The following PLPP3 variants were observed in gnomAD, a reference collection of about 807,000 sequenced individuals.
PLPP3 encodes PAP2 beta.
A neutral mutation model predicts 29.6 loss-of-function variants in PLPP3; 6 were observed. The ratio of observed to expected loss-of-function variants is 0.20; its 90% CI spans 0.11 to 0.40. The LOEUF is 0.40. Among genes scored for constraint, PLPP3 ranks in the 10% least tolerant of loss-of-function variants. The pLI is 1.00. For missense variants in PLPP3, 308 were observed against 407.7 expected (o/e 0.76, Z 2.11); for synonymous variants, 152 against 159.7 (o/e 0.95, Z 0.36).
intron 1 of PLPP3, among the ~76,000 whole-genome samples, chr1:56,569,410 G>A (rs1258482857): frequency 6.6e-6 from 1 of 152,008 alleles, no homozygotes; most frequent in East Asian, 1.9e-4. Flanking sequence ...CTGACCTCGT[G>A]ATCTGCCTGC....
chr1:56,566,556 T>C (rs945469683), intron 1 of PLPP3, among the ~76,000 whole-genome samples: 80 of 152,200 alleles, frequency 5.3e-4, no homozygotes, highest in African/African-American at 1.9e-3. Context: ...TTAGTCAAGC[T>C]TGAGTCCAAA....
chr1:56,500,792 G>T (rs754600890), intron 5 of PLPP3, among the ~76,000 whole-genome samples: 1 of 151,958 alleles, frequency 6.6e-6, no homozygotes, highest in Non-Finnish European at 1.5e-5. Flanking sequence ...ATCATCTGAG[G>T]TCAGGAGTTA....
chr1:56,540,067 A>T (rs1645958069), intron 1 of PLPP3, among the ~76,000 whole-genome samples: 1 of 152,120 alleles, frequency 6.6e-6, no homozygotes, highest in Admixed American at 6.6e-5. Context: ...CATATAAAAG[A>T]GTTTTGGAGT....
chr1:56,530,601 AAG>A (rs200622549), intron 2 of PLPP3, among the ~76,000 whole-genome samples: 982 of 150,198 alleles, frequency 6.5e-3, no homozygotes, highest in African/African-American at 0.023. Flanking sequence ...CGGCTTTTGC[AAG>A]GTCTTTTGCA....
intron 1 of PLPP3, among the ~76,000 whole-genome samples, chr1:56,537,355 C>G (rs997018927): frequency 2.2e-4 from 33 of 152,070 alleles, no homozygotes; most frequent in Non-Finnish European, 1.9e-4. Context: ...CCCAAGAGCT[C>G]GGAGGTAGGC....
chr1:56,578,949 T>C lies in PLPP3; in HGVS notation c.68A>G (p.Asn23Ser), dbSNP rs781512827. The C allele has an allele frequency of 3.7e-6, 6 of 1,605,834 alleles. No individual in the cohort carries two copies. The highest frequency in any genetic ancestry group is 5.1e-6 in the Non-Finnish European group (6 of 1,176,938). ...ESKNGGSPAL[N>S]NNPRRSGSKR... ...GCTGCCGCTCCTCCTCGGGTTGTTG[T>C]TGAGCGCCGGGCTGCCGCCGTTCTT... The change falls in exon 1 of 6, where the codon AAC becomes AGC. Residue 23 changes from asparagine (N) to serine (S), a missense_variant. Asn to Ser is a conservative substitution (Grantham distance 46). Coordinates refer to ENST00000371250, the MANE Select transcript of PLPP3 (RefSeq NM_003713.5).
intron 5 of PLPP3, among the ~76,000 whole-genome samples, chr1:56,511,596 CTT>C (rs1645741665): frequency 6.6e-6 from 1 of 152,088 alleles, no homozygotes; most frequent in South Asian, 2.1e-4. Context: ...GGTCAACAGA[CTT>C]AGCATGACAC....
chr1:56,531,639 G>A (rs879258791), intron 2 of PLPP3, among the ~76,000 whole-genome samples: 10 of 152,160 alleles, frequency 6.6e-5, no homozygotes, highest in African/African-American at 1.7e-4. Flanking sequence ...ACTAAATAAA[G>A]AGCACTCTAC....
At chr1:56,560,295 T>C (rs1646113119) in intron 1 of PLPP3, among the ~76,000 whole-genome samples, 1 of 152,306 alleles carries the variant, frequency 6.6e-6, no homozygotes, top group African/African-American at 2.4e-5. Flanking sequence ...AATTATAAAA[T>C]TGTTCAGGTG....
At chr1:56,550,791 G>A (rs1646032931) in intron 1 of PLPP3, among the ~76,000 whole-genome samples, 2 of 151,458 alleles carry the variant, frequency 1.3e-5, no homozygotes, top group Admixed American at 1.3e-4. Context: ...CCTTCACCAT[G>A]GTATTGCCAT....
chr1:56,512,051 G>A lies in PLPP3; in HGVS notation c.735C>T (p.Arg245=), dbSNP rs747683599. The change falls in exon 5 of 6, where the codon CGC becomes CGT. Residue 245 remains arginine (R), a synonymous_variant. Transcript: ENST00000371250. ...TGGGATGGTGCTTGTGGTCTGATAC[G>A]CGAGACAGTCCCGTGTAGAAGGCCA... ...IMMAFYTGLS[R]VSDHKHHPSD... 8 of 1,613,656 alleles carry A rather than the reference G, an allele frequency of 5.0e-6. No homozygotes were observed. The highest frequency in any genetic ancestry group is 1.1e-5 in the South Asian group (1 of 90,952).
intron 5 of PLPP3, among the ~76,000 whole-genome samples, chr1:56,507,986 A>G (rs1257148613): frequency 1.3e-5 from 2 of 152,168 alleles, no homozygotes; most frequent in African/African-American, 4.8e-5. Context: ...CTCCCCTTAG[A>G]TCCTCTAGAT....
chr1:56,545,859 G>A (rs1025731583), intron 1 of PLPP3, among the ~76,000 whole-genome samples: 4 of 152,082 alleles, frequency 2.6e-5, no homozygotes, highest in African/African-American at 9.7e-5. Flanking sequence ...ATAGTCAAAA[G>A]GCAAGACTGG....
intron 2 of PLPP3, among the ~76,000 whole-genome samples, chr1:56,535,485 T>C (rs1645920558): frequency 6.6e-6 from 1 of 152,198 alleles, no homozygotes; most frequent in South Asian, 2.1e-4. Context: ...TGTTGCTCAT[T>C]GTATAATGAG....
chr1:56,576,652 A>G (rs1646237443), intron 1 of PLPP3, among the ~76,000 whole-genome samples: 1 of 152,228 alleles, frequency 6.6e-6, no homozygotes, highest in South Asian at 2.1e-4. Flanking sequence ...AACAGAATAC[A>G]TGGTCCTGAC....
At chr1:56,566,699 C>A (rs1220618393) in intron 1 of PLPP3, among the ~76,000 whole-genome samples, 3 of 152,126 alleles carry the variant, frequency 2.0e-5, no homozygotes, top group Non-Finnish European at 4.4e-5. Flanking sequence ...TGTGAAGCAC[C>A]TAACAATAAA....
intron 1 of PLPP3, among the ~76,000 whole-genome samples, chr1:56,544,754 A>G (rs922706559): frequency 6.6e-6 from 1 of 152,212 alleles, no homozygotes; most frequent in Non-Finnish European, 1.5e-5. Flanking sequence ...GTCTATTCAC[A>G]TATTAGCAAC....
At chr1:56,518,715 T>TTA (rs145573744) in intron 4 of PLPP3, among the ~76,000 whole-genome samples, 3,544 of 126,544 alleles carry the variant, frequency 0.028, 285 homozygotes, top group Admixed American at 0.15. Flanking sequence ...TTTTAATCAT[T>TTA]TATATATATA....
intron 1 of PLPP3, among the ~76,000 whole-genome samples, chr1:56,561,300 A>G (rs2100297532): frequency 6.6e-6 from 1 of 152,214 alleles, no homozygotes; most frequent in South Asian, 2.1e-4. Flanking sequence ...AAAATACTAC[A>G]TGAATGCAAA....
Sources: gnomAD v4.1 joint callset for allele counts (sites outside exome capture counted in the v4.1 genomes callset) on GRCh38, gnomAD v4.1.1 for gene constraint, MANE v1.5 for transcripts, NCBI Gene and HGNC (gene_info 2026-07-23, HGNC 2026-07-21) for gene names.